ADARB2: variants seen among roughly 807,000 people sequenced by gnomAD.
The protein encoded by ADARB2 is adenosine deaminase RNA specific B2 (inactive), also known as inactive double-stranded RNA-specific editase B2.
Under a neutral mutation model 62.2 loss-of-function variants are expected in ADARB2, and 25 were observed. That is an observed-to-expected ratio of 0.40 (90% CI 0.29 to 0.56). The LOEUF is 0.56. ADARB2 is among the 20% of genes least tolerant of loss of function. The pLI, the probability that ADARB2 is intolerant of heterozygous loss-of-function variation, is 0.43. For missense variants in ADARB2, 1,071 were observed against 1,077.4 expected (o/e 0.99, Z 0.08); for synonymous variants, 572 against 500.8 (o/e 1.14, Z -1.90).
chr10:1,258,539 A>T (rs1831102068), intron 4 of ADARB2, among the ~76,000 whole-genome samples: 1 of 152,236 alleles, frequency 6.6e-6, no homozygotes, highest in African/African-American at 2.4e-5. Context: ...AACAAAGATC[A>T]AAAGAGACAA....
At chr10:1,352,397 T>A (rs187125235) in intron 3 of ADARB2, among the ~76,000 whole-genome samples, 125 of 152,334 alleles carry the variant, frequency 8.2e-4, no homozygotes, top group Non-Finnish European at 1.4e-3. Flanking sequence ...TTCCACTTCC[T>A]TGAAGACAGC....
At chr10:1,288,484 A>G (rs544739418) in intron 3 of ADARB2, among the ~76,000 whole-genome samples, 158 of 152,336 alleles carry the variant, frequency 1.0e-3, no homozygotes, top group African/African-American at 3.7e-3. Context: ...TGAACAAGCC[A>G]AGGCTGAGGA....
intron 3 of ADARB2, among the ~76,000 whole-genome samples, chr10:1,273,505 G>A (rs1444440757): frequency 1.3e-5 from 2 of 152,168 alleles, no homozygotes; most frequent in South Asian, 2.1e-4. Context: ...GGTGGCAGGC[G>A]GGAGCCTTCG....
At chr10:1,211,411 A>C (rs1009929753) in intron 7 of ADARB2, among the ~76,000 whole-genome samples, 13 of 151,952 alleles carry the variant, frequency 8.6e-5, no homozygotes, top group Non-Finnish European at 1.8e-4. Flanking sequence ...CTATCGATCT[A>C]TGTATGCCTG....
rs541862306 is a variant in ADARB2 at position 1,636,889 on chromosome 10, G to T, written c.100+100162C>A. 8.2e-5 allele frequency among the ~76,000 whole-genome samples: 12 copies of T among 146,840 alleles called. No individual in the cohort carries two copies. The South Asian group carries it at 1.5e-3, about 18-fold the overall frequency. ...ATTGATATGTAATATATATAATATT[G>T]ATATATATATCTATTTCTATGTAGA... On this transcript the variant is annotated intron_variant, in intron 1 of 9. Coordinates refer to ENST00000381312, the MANE Select transcript of ADARB2 (RefSeq NM_018702.4).
chr10:1,611,669 G>A (rs1335191654), intron 1 of ADARB2, among the ~76,000 whole-genome samples: 1 of 121,536 alleles, frequency 8.2e-6, no homozygotes, highest in Non-Finnish European at 1.7e-5. Context: ...TTAGGCTGAA[G>A]GAAAGGAGGA....
chr10:1,519,040 C>G (rs1362297980), intron 1 of ADARB2, among the ~76,000 whole-genome samples: 4 of 151,754 alleles, frequency 2.6e-5, no homozygotes, highest in African/African-American at 9.7e-5. Flanking sequence ...CACACGCATT[C>G]TGTGTAATGT....
intron 1 of ADARB2, among the ~76,000 whole-genome samples, chr10:1,507,402 C>T (rs1831865788): frequency 6.6e-6 from 1 of 152,220 alleles, no homozygotes; most frequent in Non-Finnish European, 1.5e-5. Flanking sequence ...GCCCCCTTCA[C>T]CAGGCTGCAT....
At chr10:1,450,235 A>G (rs896789567) in intron 1 of ADARB2, among the ~76,000 whole-genome samples, 1 of 152,240 alleles carries the variant, frequency 6.6e-6, no homozygotes, top group Admixed American at 6.5e-5. Context: ...TGCCCTCTGA[A>G]AATGAGGACA....
chr10:1,577,696 G>A (rs945927709), intron 1 of ADARB2, among the ~76,000 whole-genome samples: 7 of 152,148 alleles, frequency 4.6e-5, no homozygotes, highest in South Asian at 2.1e-4. Context: ...CATCCCTGCC[G>A]CACACGACAC....
Position 1,715,780 on chromosome 10 carries a change from C to T in ADARB2, c.100+21271G>A, listed in dbSNP as rs571773985. ...TGCCGCTGAGGAAGCCAGGAGGCTC[C>T]GGAAGGTTCCAGAGCTGCCTTGCAG... On this transcript the variant is annotated intron_variant, in intron 1 of 9. Transcript: ENST00000381312. 9.3e-4 allele frequency among the ~76,000 whole-genome samples: 141 copies of T among 152,346 alleles called. 2 individuals carry two copies. The highest frequency in any genetic ancestry group is 3.2e-3 in the African/African-American group (132 of 41,588).
chr10:1,567,800 C>T (rs1392756114), intron 1 of ADARB2, among the ~76,000 whole-genome samples: 4 of 152,182 alleles, frequency 2.6e-5, no homozygotes, highest in Non-Finnish European at 4.4e-5. Context: ...GCTCAAAGAG[C>T]GTTTGTTGAA....
At chr10:1,300,447 G>C (rs1457546455) in intron 3 of ADARB2, among the ~76,000 whole-genome samples, 1 of 152,028 alleles carries the variant, frequency 6.6e-6, no homozygotes, top group African/African-American at 2.4e-5. Flanking sequence ...CTCTCCTCCT[G>C]ACATTGCTGG....
intron 1 of ADARB2, among the ~76,000 whole-genome samples, chr10:1,459,757 G>A (rs1189007222): frequency 6.6e-6 from 1 of 152,016 alleles, no homozygotes; most frequent in African/African-American, 2.4e-5. Flanking sequence ...TTGAAACTCT[G>A]TCTCAAAAAA....
At chr10:1,334,122 C>A (rs1029196019) in intron 3 of ADARB2, among the ~76,000 whole-genome samples, 3 of 152,172 alleles carry the variant, frequency 2.0e-5, no homozygotes, top group Non-Finnish European at 4.4e-5. Context: ...GACTCATGGG[C>A]AGAGGCCGGA....
intron 1 of ADARB2, among the ~76,000 whole-genome samples, chr10:1,633,242 C>T (rs914824822): frequency 2.6e-5 from 4 of 152,156 alleles, no homozygotes; most frequent in Non-Finnish European, 4.4e-5. Context: ...GATTGAGGGA[C>T]GTCTTAGCCT....
At chr10:1,194,771 T>C (rs1294552795) in intron 8 of ADARB2, among the ~76,000 whole-genome samples, 1 of 152,204 alleles carries the variant, frequency 6.6e-6, no homozygotes, top group Admixed American at 6.5e-5. Flanking sequence ...TCTCTCCCCC[T>C]AAGTGTTCCA....
chr10:1,501,942 T>A (rs1831772969), intron 1 of ADARB2, among the ~76,000 whole-genome samples: 1 of 152,262 alleles, frequency 6.6e-6, no homozygotes, highest in Non-Finnish European at 1.5e-5. Context: ...GAACTCTGCC[T>A]GGCTGAAGGG....
intron 1 of ADARB2, among the ~76,000 whole-genome samples, chr10:1,702,055 C>T (rs1834829259): frequency 6.6e-6 from 1 of 152,214 alleles, no homozygotes. Flanking sequence ...CAGAGTTCAC[C>T]TGCTGATGTA....
Sources: allele counts gnomAD v4.1 joint callset (sites outside exome capture counted in the v4.1 genomes callset), GRCh38; gene constraint gnomAD v4.1.1; transcripts MANE v1.5; gene names NCBI Gene and HGNC (gene_info 2026-07-23, HGNC 2026-07-21).